The following GLS variants were observed in gnomAD, a reference collection of about 807,000 sequenced individuals.
GLS encodes glutaminase.
A neutral mutation model predicts 86.7 loss-of-function variants in GLS; 36 were observed. The observed-to-expected ratio is 0.42, with a 90% CI of 0.32 to 0.55. The LOEUF (loss-of-function observed/expected upper bound fraction) is 0.55, where lower values mean the gene tolerates loss of function less well. Among genes scored for constraint, GLS ranks in the 20% least tolerant of loss-of-function variants. GLS has a pLI of 0.17. For missense variants in GLS, 528 were observed against 833.4 expected, an observed-to-expected ratio of 0.63 and a Z score of 4.51; for synonymous variants, 317 against 305.9, an observed-to-expected ratio of 1.04 and a Z score of -0.38.
rs149762339 is a variant in GLS at position 190,932,653 on chromosome 2, A to G, written c.1650+1016A>G. On this transcript the variant is annotated intron_variant, in intron 14 of 17. Coordinates refer to ENST00000320717, the MANE Select transcript of GLS (RefSeq NM_014905.5). ...AATGCTCATTGAAAAATACCATTTT[A>G]TAGCTTGGACCTTTCTTCACTCAAG... 2,455 of 1,272,574 alleles carry G rather than the reference A, an allele frequency of 1.9e-3. 44 individuals are homozygous for G. In the African/African-American group the frequency reaches 0.03, roughly 16 times the overall value. 78.8% of individuals were successfully genotyped at this position (1,272,574 alleles called of 1,614,324 possible).
intron 3 of GLS, among the ~76,000 whole-genome samples, chr2:190,899,515 T>C (rs1161623320): frequency 2.0e-5 from 3 of 152,146 alleles, no homozygotes; most frequent in Non-Finnish European, 4.4e-5. Flanking sequence ...AATTAAAATA[T>C]TGACATTTAA....
intron 14 of GLS, among the ~76,000 whole-genome samples, chr2:190,939,598 C>A (rs1690369858): frequency 6.6e-6 from 1 of 151,580 alleles, no homozygotes; most frequent in African/African-American, 2.4e-5. Flanking sequence ...TCTTGCTGAA[C>A]TTTTTAGATC....
At chr2:190,898,913 C>T (rs1315007017) in intron 3 of GLS, among the ~76,000 whole-genome samples, 1 of 152,200 alleles carries the variant, frequency 6.6e-6, no homozygotes, top group Admixed American at 6.5e-5. Context: ...TAGGCGTGAG[C>T]CACCGTGCCT....
chr2:190,961,136 T>G (rs773364571), intron 17 of GLS, among the ~76,000 whole-genome samples: 1 of 152,228 alleles, frequency 6.6e-6, no homozygotes, highest in Non-Finnish European at 1.5e-5. Flanking sequence ...TAACTAGGCA[T>G]TCAACAAGTC....
At position 190,881,227 on chromosome 2, in the gene GLS, C is replaced by G. The variant is rs1476916149; in HGVS notation, c.143C>G (p.Pro48Arg). 4.8e-6 allele frequency: 6 copies of G among 1,245,994 alleles called. No homozygotes were observed. The highest frequency in any genetic ancestry group is 8.6e-5 in the Admixed American group (2 of 23,264). 77.2% of individuals were successfully genotyped at this position (1,245,994 alleles called of 1,614,324 possible). ...GGCGGGGGACGGCCGGCCGCGGGCCCGGCTGCCGCCGCGCGACTCCACCCG... is the reference window on the plus strand; with the variant it reads ...GGCGGGGGACGGCCGGCCGCGGGCCGGGCTGCCGCCGCGCGACTCCACCCG... ...PRGGGRPAAG[P>R]AAAARLHPWW... The change falls in exon 1 of 18, where the codon CCG (proline) becomes CGG (arginine). Residue 48 changes from proline to arginine, a missense_variant. Coordinates refer to ENST00000320717, the MANE Select transcript of GLS (RefSeq NM_014905.5).
Position 190,895,278 on chromosome 2 carries a change from TAAA to T in GLS, c.483+35_483+37del, listed in dbSNP as rs575489284. On this transcript the variant is annotated intron_variant, in intron 2 of 17. Transcript: ENST00000320717. This position sits in a 1 kb window ranked among gnomAD's most constrained non-coding sequence, Gnocchi z 4.2. ...GTTTTTATATTTTTCTATCTTAACT[TAAA>T]AAAATCAATAATAATAAATATATAC... 9 of 871,550 alleles carry T rather than the reference TAAA, an allele frequency of 1.0e-5. No individual in the cohort carries two copies. The highest frequency in any genetic ancestry group is 8.5e-5 in the African/African-American group (5 of 58,876). 54.0% of individuals were successfully genotyped at this position (871,550 alleles called of 1,614,324 possible).
Position 190,895,421 on chromosome 2 carries a change from A to C in GLS, c.483+173A>C. The C allele has an allele frequency of 1.8e-6, 1 of 551,212 alleles. No individual in the cohort carries two copies. Among genetic ancestry groups the C allele is most frequent in the South Asian group, 3.4e-5 (1 of 29,456 alleles). 34.1% of individuals were successfully genotyped at this position (551,212 alleles called of 1,614,324 possible). A position where few individuals can be genotyped will look rare whatever the true frequency, so the allele number is the denominator to read the frequency against. ...TGCTCATTTCAAGGTAATCAGTGAA[A>C]GAAAAAGAAAGAAACAATGAGAAAC... On this transcript the variant is annotated intron_variant, in intron 2 of 17. Coordinates refer to ENST00000320717, the MANE Select transcript of GLS (RefSeq NM_014905.5). The surrounding 1 kb of genome is among the most constrained non-coding windows in gnomAD (Gnocchi z 4.2).
Position 190,963,545 on chromosome 2 carries a change from A to G in GLS, c.*559A>G, listed in dbSNP as rs1024482727. On this transcript the variant is annotated 3_prime_UTR_variant, in exon 18 of 18. Coordinates refer to ENST00000320717, the MANE Select transcript of GLS (RefSeq NM_014905.5). The stretch of plus-strand genomic sequence containing the variant: ...TAACAACTGTTAGTAAGATAGACCA[A>G]TTCTGATTAGACTTTATCAGGGAAT... 2 of 152,716 alleles carry G rather than the reference A, an allele frequency of 1.3e-5. No individual in the cohort carries two copies. The highest frequency in any genetic ancestry group is 6.5e-5 in the Admixed American group (1 of 15,294). The allele number at this position is 152,716 out of a possible 1,614,324, so 9.5% of individuals were successfully genotyped here. A position where few individuals can be genotyped will look rare whatever the true frequency, so the allele number is the denominator to read the frequency against.
chr2:190,954,423 A>G lies in GLS; in HGVS notation c.1713-161A>G, dbSNP rs1218312258. 6.6e-6 allele frequency among the ~76,000 whole-genome samples: 1 copy of G among 152,202 alleles called. No homozygotes were observed. The highest frequency in any genetic ancestry group is 6.5e-5 in the Admixed American group (1 of 15,274). On this transcript the variant is annotated intron_variant, in intron 15 of 17. Transcript: ENST00000320717. This position sits in a 1 kb window ranked among gnomAD's most constrained non-coding sequence, Gnocchi z 4.0. ...AGAGAGGTGAAGTGGCATCTACCCA[A>G]AACACCTGTGTACTGGTTAATAAGG...
At chr2:190,882,243 T>G (rs969424174) in intron 1 of GLS, among the ~76,000 whole-genome samples, 1 of 152,230 alleles carries the variant, frequency 6.6e-6, no homozygotes, top group South Asian at 2.1e-4. Flanking sequence ...TGTGACGTAA[T>G]ACACTAACTC....
chr2:190,925,757 A>G (rs1689875752), intron 11 of GLS, among the ~76,000 whole-genome samples: 1 of 152,166 alleles, frequency 6.6e-6, no homozygotes, highest in South Asian at 2.1e-4. Flanking sequence ...AAAACCGTAA[A>G]TTGGGAATCC....
At chr2:190,933,292 T>C (rs905979172) in intron 14 of GLS, 1 of 914,122 alleles carries the variant, frequency 1.1e-6, no homozygotes, top group African/African-American at 1.8e-5. Flanking sequence ...TTAGTGGCAA[T>C]AGAAGGTACT....
chr2:190,880,918 G>GCAGCAGCAGCAGCAGCAGCAGCAGCAC lies in GLS; in HGVS notation c.-165_-164insGCAGCAGCAGCAGCAGCAGCAGCACCA, dbSNP rs1209579567. 11 of 882,480 alleles carry GCAGCAGCAGCAGCAGCAGCAGCAGCAC rather than the reference G, an allele frequency of 1.2e-5. No homozygotes were observed. Among genetic ancestry groups the GCAGCAGCAGCAGCAGCAGCAGCAGCAC allele is most frequent in the East Asian group, 6.3e-5 (2 of 31,858 alleles). The allele number at this position is 882,480 out of a possible 1,614,324, so 54.7% of individuals were successfully genotyped here. ...AGCAGCAGCAGCAGCAGCAGCAGCA[G>GCAGCAGCAGCAGCAGCAGCAGCAGCAC]CACCCGCATCCGCTGCGGGAGTCCG... is the stretch of plus-strand genomic sequence containing the variant. On this transcript the variant is annotated 5_prime_UTR_variant, in exon 1 of 18. Coordinates refer to ENST00000320717, the MANE Select transcript of GLS (RefSeq NM_014905.5).
intron 5 of GLS, among the ~76,000 whole-genome samples, chr2:190,902,539 A>G (rs1333091412): frequency 6.6e-6 from 1 of 152,192 alleles, no homozygotes; most frequent in Non-Finnish European, 1.5e-5. Flanking sequence ...AATTGCTTAC[A>G]TTGCAGGCAC....
intron 7 of GLS, chr2:190,919,651 G>C (rs1206840275): frequency 8.2e-6 from 7 of 857,218 alleles, no homozygotes; most frequent in Non-Finnish European, 9.8e-6. Flanking sequence ...GGAATATTTT[G>C]ACAACTGCAA....
In GLS at chr2:190,953,264, T is replaced by C. The variant is rs1690765133; in HGVS notation, c.1651-301T>C. Among the ~76,000 whole-genome samples the C allele has an allele frequency of 6.6e-6, 1 of 152,236 alleles. No individual in the cohort carries two copies. Among genetic ancestry groups the C allele is most frequent in the Admixed American group, 6.5e-5 (1 of 15,280 alleles). On this transcript the variant is annotated intron_variant, in intron 14 of 17. Coordinates refer to ENST00000320717, the MANE Select transcript of GLS (RefSeq NM_014905.5). The surrounding 1 kb of genome is among the most constrained non-coding windows in gnomAD (Gnocchi z 4.0). ...AAATGGGAAGGCTTCTAAACAATTT[T>C]CAGTTGCCCCAACTGTATGAGTTTC...
At position 190,955,382 on chromosome 2, in the gene GLS, G is replaced by C. The variant is rs983227966; in HGVS notation, c.1853+564G>C. ...TTACGAGGGAGAACATGAAGTGTTT[G>C]GTTTTCTGTTCTTGTGTTAGTTTGC... On this transcript the variant is annotated intron_variant, in intron 17 of 17. Coordinates refer to ENST00000320717, the MANE Select transcript of GLS (RefSeq NM_014905.5). The surrounding 1 kb of genome is among the most constrained non-coding windows in gnomAD (Gnocchi z 5.6). Among the ~76,000 whole-genome samples, 10 of 152,108 alleles carry C rather than the reference G, an allele frequency of 6.6e-5. No individual in the cohort carries two copies. Among genetic ancestry groups the C allele is most frequent in the Non-Finnish European group, 2.9e-5 (2 of 68,020 alleles).
At chr2:190,900,272 G>A (rs1475959837) in intron 3 of GLS, among the ~76,000 whole-genome samples, 1 of 152,096 alleles carries the variant, frequency 6.6e-6, no homozygotes, top group African/African-American at 2.4e-5. Flanking sequence ...TGAGTAAGAA[G>A]CTTGTTTCAG....
chr2:190,943,772 C>T lies in GLS; in HGVS notation c.1651-9793C>T, dbSNP rs888351709. Among the ~76,000 whole-genome samples the T allele has an allele frequency of 6.6e-6, 1 of 152,164 alleles. No individual in the cohort carries two copies. The highest frequency in any genetic ancestry group is 6.5e-5 in the Admixed American group (1 of 15,272). ...AGAGAAACATACTGTTATTACACCT[C>T]TTCTGTGAGTATGCTCCATAAAGCA... On this transcript the variant is annotated intron_variant, in intron 14 of 17. Transcript: ENST00000320717. The surrounding 1 kb of genome is among the most constrained non-coding windows in gnomAD (Gnocchi z 4.5).
Sources: allele counts gnomAD v4.1 joint callset (sites outside exome capture counted in the v4.1 genomes callset), GRCh38; gene constraint gnomAD v4.1.1; non-coding constraint Gnocchi (gnomAD v3.1); transcripts MANE v1.5; gene names NCBI Gene and HGNC (gene_info 2026-07-23, HGNC 2026-07-21).